CAB39L: variants seen among roughly 807,000 people sequenced by gnomAD.
CAB39L encodes the protein calcium-binding protein 39-like.
A neutral mutation model predicts 39.1 loss-of-function variants in CAB39L; 23 were observed. The ratio of observed to expected loss-of-function variants is 0.59; its 90% CI spans 0.42 to 0.83. CAB39L has a LOEUF of 0.83. CAB39L is among the 40% of genes least tolerant of loss of function. The pLI, the probability that CAB39L is intolerant of heterozygous loss-of-function variation, is 0.00. For missense variants in CAB39L, 366 were observed against 391.9 expected, an observed-to-expected ratio of 0.93 and a Z score of 0.56; for synonymous variants, 126 against 137.2, an observed-to-expected ratio of 0.92 and a Z score of 0.57.
At chr13:49,378,058 G>C (rs1265282824) in intron 4 of CAB39L, among the ~76,000 whole-genome samples, 1 of 77,694 alleles carries the variant, frequency 1.3e-5, no homozygotes, top group Non-Finnish European at 2.6e-5. Flanking sequence ...CCGTCTGGGA[G>C]GTGAGGAGCG....
intron 10 of CAB39L, among the ~76,000 whole-genome samples, chr13:49,315,630 G>A (rs1281747548): frequency 1.3e-5 from 2 of 152,078 alleles, no homozygotes; most frequent in Non-Finnish European, 2.9e-5. Flanking sequence ...GCTCACGTCT[G>A]TAATCCAGCA....
intron 6 of CAB39L, chr13:49,351,130 A>C: frequency 1.1e-4 from 33 of 312,314 alleles, no homozygotes; most frequent in Middle Eastern, 9.0e-4. Context: ...ATATACTCAA[A>C]TATGAACATG....
intron 1 of CAB39L, among the ~76,000 whole-genome samples, chr13:49,438,884 G>C (rs1594106240): frequency 6.6e-6 from 1 of 152,102 alleles, no homozygotes; most frequent in Non-Finnish European, 1.5e-5. Context: ...CATTGCTTTG[G>C]CTTGCTTTGT....
intron 5 of CAB39L, among the ~76,000 whole-genome samples, chr13:49,365,998 G>C (rs1026565340): frequency 6.6e-6 from 1 of 152,224 alleles, no homozygotes; most frequent in Non-Finnish European, 1.5e-5. Context: ...TTCTGTCATT[G>C]CAACAACATG....
At chr13:49,419,488 G>T (rs1322228212) in intron 3 of CAB39L, among the ~76,000 whole-genome samples, 1 of 152,134 alleles carries the variant, frequency 6.6e-6, no homozygotes, top group Non-Finnish European at 1.5e-5. Context: ...TGAGGTGGGC[G>T]GACTGCTTGA....
intron 7 of CAB39L, among the ~76,000 whole-genome samples, chr13:49,348,789 C>T (rs1021840675): frequency 1.3e-5 from 2 of 152,160 alleles, no homozygotes; most frequent in African/African-American, 2.4e-5. Flanking sequence ...CTTTATAGAT[C>T]GTGTGCCAGG....
intron 3 of CAB39L, among the ~76,000 whole-genome samples, chr13:49,396,580 C>T (rs565087377): frequency 3.3e-5 from 5 of 151,894 alleles, no homozygotes; most frequent in South Asian, 2.1e-4. Context: ...TGGTGGCAGG[C>T]GCCTGTAATC....
intron 3 of CAB39L, among the ~76,000 whole-genome samples, chr13:49,384,292 CA>C (rs1956309513): frequency 6.6e-6 from 1 of 152,200 alleles, no homozygotes; most frequent in African/African-American, 2.4e-5. Context: ...CGTGAGATTG[CA>C]GCAATTCAGT....
chr13:49,389,477 C>CA (rs1048130231), intron 3 of CAB39L, among the ~76,000 whole-genome samples: 1 of 152,138 alleles, frequency 6.6e-6, no homozygotes, highest in East Asian at 1.9e-4. Flanking sequence ...CCCGTCTCCA[C>CA]AAAAAATACA....
intron 6 of CAB39L, among the ~76,000 whole-genome samples, chr13:49,352,443 T>C (rs1308486741): frequency 1.3e-5 from 2 of 151,646 alleles, no homozygotes; most frequent in Non-Finnish European, 2.9e-5. Context: ...GTGAGCAGAA[T>C]ATAGGGCCCC....
chr13:49,328,636 G>T (rs1954573844), intron 10 of CAB39L, among the ~76,000 whole-genome samples: 1 of 152,058 alleles, frequency 6.6e-6, no homozygotes, highest in Admixed American at 6.6e-5. Context: ...TTTGAGACCA[G>T]CCTAGGTAAA....
intron 10 of CAB39L, among the ~76,000 whole-genome samples, chr13:49,315,214 T>A (rs1186995140): frequency 1.3e-5 from 2 of 152,198 alleles, no homozygotes; most frequent in African/African-American, 4.8e-5. Flanking sequence ...CAGAACCCTC[T>A]CTGGGAACAC....
chr13:49,443,505 G>C (rs1423901398), intron 1 of CAB39L, among the ~76,000 whole-genome samples: 1 of 152,076 alleles, frequency 6.6e-6, no homozygotes, highest in Non-Finnish European at 1.5e-5. Flanking sequence ...CGGAAGAGGA[G>C]GTCTCTTCTG....
intron 3 of CAB39L, among the ~76,000 whole-genome samples, chr13:49,402,412 G>T (rs1429469660): frequency 2.0e-5 from 3 of 152,144 alleles, no homozygotes; most frequent in Non-Finnish European, 4.4e-5. Context: ...TGGAATACGT[G>T]CTGGCTCTGT....
intron 1 of CAB39L, among the ~76,000 whole-genome samples, chr13:49,441,503 G>A (rs1043575383): frequency 6.6e-6 from 1 of 151,686 alleles, no homozygotes. Context: ...GGGGGTCAAG[G>A]CTGCAGTAAG....
At chr13:49,416,213 T>C (rs1220355542) in intron 3 of CAB39L, among the ~76,000 whole-genome samples, 1 of 152,224 alleles carries the variant, frequency 6.6e-6, no homozygotes, top group Non-Finnish European at 1.5e-5. Flanking sequence ...CATGTCACTC[T>C]GTTACTGGCT....
intron 10 of CAB39L, among the ~76,000 whole-genome samples, chr13:49,324,422 C>T (rs1039605892): frequency 6.6e-6 from 1 of 152,144 alleles, no homozygotes; most frequent in Admixed American, 6.5e-5. Context: ...CCACTATGTG[C>T]CAAAAACCCT....
intron 10 of CAB39L, among the ~76,000 whole-genome samples, chr13:49,321,358 G>T (rs988151556): frequency 6.6e-6 from 1 of 152,100 alleles, no homozygotes; most frequent in Non-Finnish European, 1.5e-5. Context: ...TGAGATGATC[G>T]CCATTTCAAA....
intron 1 of CAB39L, among the ~76,000 whole-genome samples, chr13:49,440,667 A>T (rs889066255): frequency 1.3e-5 from 2 of 150,576 alleles, no homozygotes; most frequent in African/African-American, 4.9e-5. Context: ...AGTGTCTTGT[A>T]GTTCTTGTAG....
Sources: allele counts gnomAD v4.1 joint callset (sites outside exome capture counted in the v4.1 genomes callset), GRCh38; gene constraint gnomAD v4.1.1; transcripts MANE v1.5; gene names NCBI Gene and HGNC (gene_info 2026-07-23, HGNC 2026-07-21).